The following ATG7 variants were observed in gnomAD, a reference collection of about 807,000 sequenced individuals.
The protein encoded by ATG7 is autophagy related 7.
In ATG7, 70 loss-of-function variants were observed where a neutral mutation model predicts 82.4. The ratio of observed to expected loss-of-function variants is 0.85; its 90% CI spans 0.70 to 1.04. The LOEUF (loss-of-function observed/expected upper bound fraction) is 1.04. ATG7 is among the 50% of genes least tolerant of loss of function. ATG7 has a pLI of 0.00. For synonymous variants in ATG7, 287 were observed against 313.0 expected (o/e 0.92, Z 0.88); for missense variants, 792 against 864.3 (o/e 0.92, Z 1.05).
intron 20 of ATG7, among the ~76,000 whole-genome samples, chr3:11,485,623 A>G (rs1227867666): frequency 6.6e-6 from 1 of 152,190 alleles, no homozygotes. Context: ...GCACATGCCT[A>G]TGTCCTGAAT....
chr3:11,419,021 A>G (rs1427025379), intron 19 of ATG7, among the ~76,000 whole-genome samples: 2 of 152,124 alleles, frequency 1.3e-5, no homozygotes, highest in African/African-American at 2.4e-5. Context: ...TGGGATTACA[A>G]TTTTAGATGA....
At position 11,555,914 on chromosome 3, in the gene ATG7, T is replaced by G. The variant is rs1346237885; in HGVS notation, c.*1071T>G. ...CAACAGTAGGATTTAGTAGGGTAGA[T>G]TTCAAATGAGGCTTCGCTTCTCCCA... is the stretch of plus-strand genomic sequence containing the variant. On this transcript the variant is annotated 3_prime_UTR_variant, in exon 21 of 21. Coordinates refer to ENST00000693202, the MANE Select transcript of ATG7 (RefSeq NM_001349232.2). 6.6e-6 allele frequency: 1 copy of G among 152,476 alleles called. No individual in the cohort carries two copies. The highest frequency in any genetic ancestry group is 1.5e-5 in the Non-Finnish European group (1 of 68,026). 9.4% of individuals were successfully genotyped at this position (152,476 alleles called of 1,614,324 possible).
chr3:11,509,964 A>AT (rs1470125526), intron 20 of ATG7, among the ~76,000 whole-genome samples: 1 of 152,086 alleles, frequency 6.6e-6, no homozygotes, highest in Admixed American at 6.6e-5. Context: ...GCCAATGGCT[A>AT]TTTTTATCAG....
At chr3:11,322,897 A>C (rs1224155690) in intron 9 of ATG7, among the ~76,000 whole-genome samples, 1 of 152,204 alleles carries the variant, frequency 6.6e-6, no homozygotes, top group Non-Finnish European at 1.5e-5. Flanking sequence ...CCAGGAGTTC[A>C]AGACCAGCAT....
intron 20 of ATG7, among the ~76,000 whole-genome samples, chr3:11,450,095 C>T (rs1035807086): frequency 1.1e-4 from 17 of 152,210 alleles, no homozygotes; most frequent in East Asian, 9.6e-4. Context: ...TGAGAACTTG[C>T]TGTGTTCCAT....
At chr3:11,502,544 G>A (rs1326345617) in intron 20 of ATG7, among the ~76,000 whole-genome samples, 1 of 151,264 alleles carries the variant, frequency 6.6e-6, no homozygotes, top group Non-Finnish European at 1.5e-5. Context: ...TCCCTACAAA[G>A]GACGTGAACT....
intron 20 of ATG7, among the ~76,000 whole-genome samples, chr3:11,525,638 T>C (rs2092560982): frequency 6.6e-6 from 1 of 150,666 alleles, no homozygotes; most frequent in Non-Finnish European, 1.5e-5. Flanking sequence ...CACTGTAAGC[T>C]CTGCCTCCTG....
intron 18 of ATG7, among the ~76,000 whole-genome samples, chr3:11,371,433 G>A (rs2076990229): frequency 6.6e-6 from 1 of 150,976 alleles, no homozygotes; most frequent in Non-Finnish European, 1.5e-5. Context: ...CGGGGCCCTG[G>A]GAGGCCGTTG....
intron 1 of ATG7, among the ~76,000 whole-genome samples, chr3:11,278,329 G>A (rs1942333421): frequency 6.6e-6 from 1 of 152,182 alleles, no homozygotes; most frequent in Non-Finnish European, 1.5e-5. Flanking sequence ...TATGTTCAGA[G>A]ATTGAAGTAA....
intron 20 of ATG7, among the ~76,000 whole-genome samples, chr3:11,540,111 T>C (rs2070699071): frequency 6.6e-6 from 1 of 152,252 alleles, no homozygotes; most frequent in African/African-American, 2.4e-5. Context: ...TGTTTAACTT[T>C]TAAGAAACTG....
At chr3:11,378,160 T>C (rs1221297684) in intron 18 of ATG7, among the ~76,000 whole-genome samples, 1 of 149,606 alleles carries the variant, frequency 6.7e-6, no homozygotes, top group Non-Finnish European at 1.5e-5. Context: ...ATTACATGGG[T>C]GCACCACCAC....
chr3:11,380,143 A>G (rs879715421), intron 19 of ATG7, 91 bp downstream of exon 19: 16 of 1,217,136 alleles, frequency 1.3e-5, no homozygotes, highest in Non-Finnish European at 1.8e-5. Context: ...CTTGAAACCA[A>G]CTAAGGGCTT....
chr3:11,515,651 C>A lies in ATG7; in HGVS notation c.2080-39160C>A, dbSNP rs374348103. Among the ~76,000 whole-genome samples, 18 of 152,286 alleles carry A rather than the reference C, an allele frequency of 1.2e-4. No individual in the cohort carries two copies. In the South Asian group the frequency reaches 3.5e-3, roughly 30 times the overall value. ...TGGTGACATGGGGCAGTGGGCTGCACGGCCACATGTATACATTAAGCCTCA... is the reference window on the plus strand; with the variant it reads ...TGGTGACATGGGGCAGTGGGCTGCAAGGCCACATGTATACATTAAGCCTCA... On this transcript the variant is annotated intron_variant, in intron 20 of 20. Coordinates refer to ENST00000693202, the MANE Select transcript of ATG7 (RefSeq NM_001349232.2).
chr3:11,433,443 G>A (rs2083092927), intron 20 of ATG7, among the ~76,000 whole-genome samples: 1 of 152,008 alleles, frequency 6.6e-6, no homozygotes, highest in Admixed American at 6.6e-5. Context: ...ATAAGTATCA[G>A]TTCACATGTA....
chr3:11,437,743 C>T (rs1395818751), intron 20 of ATG7, among the ~76,000 whole-genome samples: 1 of 152,158 alleles, frequency 6.6e-6, no homozygotes, highest in Admixed American at 6.5e-5. Flanking sequence ...TATCACAGTT[C>T]GCATATATAC....
chr3:11,557,327 T>C lies in ATG7; in HGVS notation c.*2484T>C, dbSNP rs1210714406. On this transcript the variant is annotated 3_prime_UTR_variant, in exon 21 of 21. Transcript: ENST00000693202. The stretch of plus-strand genomic sequence containing the variant: ...ACGAGGAAGCGTATAAAACACCATA[T>C]CACAGATTGTCTGTCAGTAATCTGC... 1.4e-5 allele frequency: 2 copies of C among 146,580 alleles called. No individual in the cohort carries two copies. Among genetic ancestry groups the C allele is most frequent in the East Asian group, 3.7e-4 (2 of 5,342 alleles). 9.1% of individuals were successfully genotyped at this position (146,580 alleles called of 1,614,324 possible).
intron 20 of ATG7, among the ~76,000 whole-genome samples, chr3:11,441,668 T>C (rs12163567): frequency 1.3e-5 from 1 of 79,660 alleles, no homozygotes; most frequent in Non-Finnish European, 2.4e-5. Flanking sequence ...TTTTTTTTTT[T>C]AATTTTTTTT....
At chr3:11,367,489 C>T (rs979225403) in intron 18 of ATG7, among the ~76,000 whole-genome samples, 2 of 152,174 alleles carry the variant, frequency 1.3e-5, no homozygotes, top group African/African-American at 4.8e-5. Flanking sequence ...CCACCAGCAA[C>T]TCATTGTGTA....
At chr3:11,444,063 A>G (rs2084277597) in intron 20 of ATG7, among the ~76,000 whole-genome samples, 1 of 152,196 alleles carries the variant, frequency 6.6e-6, no homozygotes, top group Non-Finnish European at 1.5e-5. Flanking sequence ...TGAATTTTTC[A>G]AACAGAATTA....
Sources: allele counts gnomAD v4.1 joint callset (sites outside exome capture counted in the v4.1 genomes callset), GRCh38; gene constraint gnomAD v4.1.1; transcripts MANE v1.5; gene names NCBI Gene and HGNC (gene_info 2026-07-23, HGNC 2026-07-21).